Variants in TFDP1 observed in about 807,000 individuals in gnomAD.
TFDP1 encodes DRTF1-polypeptide 1.
A neutral mutation model predicts 48.0 loss-of-function variants in TFDP1; 6 were observed. The observed-to-expected ratio is 0.13, with a 90% CI of 0.07 to 0.25. TFDP1 has a LOEUF of 0.25. TFDP1 is among the 10% of genes least tolerant of loss of function. TFDP1 has a pLI of 1.00. For missense variants in TFDP1, 335 were observed against 543.0 expected, an observed-to-expected ratio of 0.62 and a Z score of 3.81; for synonymous variants, 201 against 211.6, an observed-to-expected ratio of 0.95 and a Z score of 0.44.
intron 8 of TFDP1, among the ~76,000 whole-genome samples, chr13:113,635,713 C>T (rs994527124): frequency 6.6e-6 from 1 of 152,190 alleles, no homozygotes. Context: ...TGTTGAGCGC[C>T]GTTGCCGTGG....
At chr13:113,606,978 A>G (rs997952951) in intron 2 of TFDP1, among the ~76,000 whole-genome samples, 2 of 152,106 alleles carry the variant, frequency 1.3e-5, no homozygotes, top group African/African-American at 4.8e-5. Context: ...GTGTGCATTT[A>G]TTCATCCGCC....
chr13:113,639,954 C>T (rs1390191232), intron 11 of TFDP1, among the ~76,000 whole-genome samples, 166 bp from the exon 12 acceptor site: 8 of 152,232 alleles, frequency 5.3e-5, no homozygotes, highest in African/African-American at 9.6e-5. Context: ...AGTGCCAGAG[C>T]GTTGGCGTGC....
intron 3 of TFDP1, among the ~76,000 whole-genome samples, chr13:113,622,921 C>T (rs1040095724): frequency 6.6e-6 from 1 of 152,274 alleles, no homozygotes; most frequent in African/African-American, 2.4e-5. Context: ...GCAGACATCG[C>T]CGAGGGGCTG....
At chr13:113,589,038 AGAGT>A (rs1398229512) in intron 2 of TFDP1, among the ~76,000 whole-genome samples, 142 of 151,804 alleles carry the variant, frequency 9.4e-4, no homozygotes, top group African/African-American at 3.3e-3. Context: ...TTGTGGGTGG[AGAGT>A]GAGTGGCGGT....
intron 2 of TFDP1, among the ~76,000 whole-genome samples, chr13:113,601,931 T>C (rs1189290317): frequency 6.9e-6 from 1 of 145,440 alleles, no homozygotes; most frequent in Non-Finnish European, 1.5e-5. Flanking sequence ...CCTCTGTAGC[T>C]CTGAGAGGAG....
At chr13:113,632,311 G>A (rs1459050855) in intron 5 of TFDP1, among the ~76,000 whole-genome samples, 3 of 152,262 alleles carry the variant, frequency 2.0e-5, no homozygotes, top group African/African-American at 7.2e-5. Flanking sequence ...TTCCCGCCAT[G>A]TGGGGACTGA....
chr13:113,638,458 G>A (rs1354092003), intron 11 of TFDP1, among the ~76,000 whole-genome samples: 3 of 151,336 alleles, frequency 2.0e-5, no homozygotes, highest in Admixed American at 6.6e-5. Flanking sequence ...CTGCGGTCTC[G>A]GCGCACGTGC....
At position 113,611,036 on chromosome 13, in the gene TFDP1, T is replaced by G. The variant is rs778718307; in HGVS notation, c.53T>G (p.Ile18Arg). Residue 18 changes from isoleucine to arginine, a missense_variant, in exon 3 of 12, where the codon ATA becomes AGA. By Grantham distance (97) the Ile-to-Arg change is moderately conservative. Coordinates refer to ENST00000375370, the MANE Select transcript of TFDP1 (RefSeq NM_007111.5). ...GCCAACGGAGAACTCAAGGTCTTCA[T>G]AGACCAGAACCTTAGTCCCGGGAAA... ...IEANGELKVFIDQNLSPGKGV... is the reference protein window; with the variant it reads ...IEANGELKVFRDQNLSPGKGV... 1 of 1,614,202 alleles carries G rather than the reference T, an allele frequency of 6.2e-7. No individual in the cohort carries two copies. The highest frequency in any genetic ancestry group is 8.5e-7 in the Non-Finnish European group (1 of 1,180,012).
At position 113,640,225 on chromosome 13, in the gene TFDP1, C is replaced by G. The variant is rs140489086; in HGVS notation, c.1191C>G (p.Asp397Glu). Residue 397 changes from aspartate to glutamate, a missense_variant, in exon 12 of 12, where the codon GAC becomes GAG. Transcript: ENST00000375370. ...CGGTGTCCTACGTCGGGGAGGACGA[C>G]GAGGAGGACGATGACTTCAACGAGA... The part of the protein sequence containing the change: ...ETPVSYVGED[D>E]EEDDDFNEND... The G allele has an allele frequency of 2.5e-6, 4 of 1,613,244 alleles. No homozygotes were observed. Among genetic ancestry groups the G allele is most frequent in the Non-Finnish European group, 3.4e-6 (4 of 1,179,636 alleles).
chr13:113,596,615 G>A (rs1244461842), intron 2 of TFDP1, among the ~76,000 whole-genome samples: 1 of 152,202 alleles, frequency 6.6e-6, no homozygotes, highest in Admixed American at 6.5e-5. Context: ...TCCGTGTCTG[G>A]GAGCTCTTCA....
rs182611337 is a variant in TFDP1 at position 113,630,559 on chromosome 13, A to G, written c.187-1064A>G. ...CCCCCCCGCCAGCATACAGGTGTCC[A>G]GCTCCAATCCCTTTAACGGAAACTG... On this transcript the variant is annotated intron_variant, in intron 4 of 11. Transcript: ENST00000375370. Among the ~76,000 whole-genome samples, 40 of 152,308 alleles carry G rather than the reference A, an allele frequency of 2.6e-4. No homozygotes were observed. In the East Asian group the frequency reaches 7.5e-3, roughly 29 times the overall value.
Position 113,636,815 on chromosome 13 carries a change from T to A in TFDP1, c.1006+115T>A, listed in dbSNP as rs1031141242. The A allele has an allele frequency of 7.9e-6, 10 of 1,263,630 alleles. No individual in the cohort carries two copies. The African/African-American group carries it at 1.5e-4, about 19-fold the overall frequency. 78.3% of individuals were successfully genotyped at this position (1,263,630 alleles called of 1,614,324 possible). On this transcript the variant is annotated intron_variant, in intron 10 of 11. Transcript: ENST00000375370. The stretch of plus-strand genomic sequence containing the variant: ...CTTGCTGAGATCAGGCCCACGTGTG[T>A]AGGGCCAGGAGCAAAGACAAAGGGG...
intron 2 of TFDP1, among the ~76,000 whole-genome samples, chr13:113,599,813 C>G (rs1182842314): frequency 6.6e-6 from 1 of 151,480 alleles, no homozygotes; most frequent in Non-Finnish European, 1.5e-5. Flanking sequence ...AACCCAGGAC[C>G]GTGAGAGAGA....
chr13:113,600,694 A>G (rs1016565094), intron 2 of TFDP1, among the ~76,000 whole-genome samples: 3 of 145,518 alleles, frequency 2.1e-5, no homozygotes, highest in African/African-American at 7.6e-5. Flanking sequence ...CAGGATGGTG[A>G]GAGAGAATCC....
rs887281130 is a variant in TFDP1, at chr13:113,620,422, G to C, written c.80-2758G>C. ...AGTGCCACTGGCTTTTGTGAACTCA[G>C]AGGTCTGTTTCTTTCTTCACATTTA... On this transcript the variant is annotated intron_variant, in intron 3 of 11. Transcript: ENST00000375370. 2.6e-5 allele frequency among the ~76,000 whole-genome samples: 4 copies of C among 152,280 alleles called. No individual in the cohort carries two copies. In the East Asian group the frequency reaches 7.7e-4, roughly 29 times the overall value.
At chr13:113,638,021 G>A in intron 11 of TFDP1, 125 bp downstream of exon 11, 1 of 1,310,808 alleles carries the variant, frequency 7.6e-7, no homozygotes, top group Non-Finnish European at 1.0e-6. Flanking sequence ...TGGCTTGTCT[G>A]TCCAGGCAGT....
At chr13:113,620,569 G>GT (rs149878109) in intron 3 of TFDP1, among the ~76,000 whole-genome samples, 10 of 152,292 alleles carry the variant, frequency 6.6e-5, no homozygotes, top group Non-Finnish European at 1.3e-4. Flanking sequence ...GTTTAATTGC[G>GT]TACTTTAAAT....
At chr13:113,610,503 GC>G (rs1412278614) in intron 2 of TFDP1, among the ~76,000 whole-genome samples, 1 of 151,646 alleles carries the variant, frequency 6.6e-6, no homozygotes, top group Admixed American at 6.6e-5. Flanking sequence ...CATCACGTGT[GC>G]CCCCGCTGTG....
intron 2 of TFDP1, among the ~76,000 whole-genome samples, chr13:113,608,485 C>G (rs2048624638): frequency 6.6e-6 from 1 of 152,218 alleles, no homozygotes. Context: ...AGACCCCCAG[C>G]AGGGCTTCCT....
Sources: gnomAD v4.1 joint callset for allele counts (sites outside exome capture counted in the v4.1 genomes callset) on GRCh38, gnomAD v4.1.1 for gene constraint, MANE v1.5 for transcripts, NCBI Gene and HGNC (gene_info 2026-07-23, HGNC 2026-07-21) for gene names.